Variants in PPP2R5B observed in about 807,000 individuals in gnomAD.
PPP2R5B encodes the protein protein phosphatase 2 regulatory subunit B'beta, also known as serine/threonine-protein phosphatase 2A 56 kDa regulatory subunit beta isoform.
PPP2R5B carries 19 observed loss-of-function variants against 59.9 expected under a neutral mutation model. The ratio of observed to expected loss-of-function variants is 0.32; its 90% CI spans 0.22 to 0.47. The LOEUF is 0.47. Among genes scored for constraint, PPP2R5B ranks in the 20% least tolerant of loss-of-function variants. The pLI, the probability that PPP2R5B is intolerant of heterozygous loss-of-function variation, is 1.00. For missense variants in PPP2R5B, 441 were observed against 640.2 expected (o/e 0.69, Z 3.36); for synonymous variants, 286 against 260.5 (o/e 1.10, Z -0.94).
intron 2 of PPP2R5B, 111 bp downstream of exon 2, chr11:64,926,044 C>T: frequency 8.8e-7 from 1 of 1,132,762 alleles, no homozygotes; most frequent in Non-Finnish European, 1.2e-6. Context: ...TTTGGATACC[C>T]CTCCAGGCTA....
At chr11:64,927,618 G>A (rs1433303791) in intron 3 of PPP2R5B, 184 bp from the exon 4 acceptor site, 18 of 584,778 alleles carry the variant, frequency 3.1e-5, no homozygotes, top group Non-Finnish European at 4.2e-5. Flanking sequence ...TGGGAGGATC[G>A]CTTGAGCCTG....
chr11:64,932,490 T>C (rs186631960), intron 11 of PPP2R5B, among the ~76,000 whole-genome samples: 1 of 152,308 alleles, frequency 6.6e-6, no homozygotes, highest in Non-Finnish European at 1.5e-5. Flanking sequence ...ATTTTACAGA[T>C]GAGAAAACTG....
At chr11:64,919,007 GC>G (rs1282184007) in intron 1 of PPP2R5B, among the ~76,000 whole-genome samples, 1 of 152,158 alleles carries the variant, frequency 6.6e-6, no homozygotes, top group Non-Finnish European at 1.5e-5. Context: ...GAAGGAGCAG[GC>G]TCCATTCAGG....
In PPP2R5B at chr11:64,925,833, C is replaced by T; in HGVS notation, c.99C>T (p.Arg33=). ...PPPDKVDGFS[R]RSLRRARPRR... is the part of the protein sequence containing the mutation. ...CCGACAAGGTGGACGGCTTCTCCCG[C>T]CGTTCCCTCCGCAGAGCCCGGCCCC... Residue 33 remains arginine (R), a synonymous_variant, in exon 2 of 14, where the codon CGC becomes CGT. Coordinates refer to ENST00000164133, the MANE Select transcript of PPP2R5B (RefSeq NM_006244.4). The surrounding 1 kb of genome is among the most constrained non-coding windows in gnomAD (Gnocchi z 4.6). The T allele has an allele frequency of 6.2e-7, 1 of 1,610,184 alleles. No homozygotes were observed.
chr11:64,925,627 A>G lies in PPP2R5B; in HGVS notation c.-108A>G, dbSNP rs1945153467. ...GACTGTGGTTGTGCCCCCCCCCCAA[A>G]GGCCGGACAGGATGGGACCAAGTTA... On this transcript the variant is annotated 5_prime_UTR_variant, in exon 2 of 14. Coordinates refer to ENST00000164133, the MANE Select transcript of PPP2R5B (RefSeq NM_006244.4). The surrounding 1 kb of genome is among the most constrained non-coding windows in gnomAD (Gnocchi z 4.6). 1.4e-5 allele frequency: 5 copies of G among 367,152 alleles called. No individual in the cohort carries two copies. Among genetic ancestry groups the G allele is most frequent in the East Asian group, 9.2e-5 (1 of 10,838 alleles). 22.7% of individuals were successfully genotyped at this position (367,152 alleles called of 1,614,324 possible). A position where few individuals can be genotyped will look rare whatever the true frequency, so the allele number is the denominator to read the frequency against.
In PPP2R5B at chr11:64,933,211, T is replaced by C; in HGVS notation, c.1311T>C (p.Asp437=). ...TGGAGATGAATGGGAAGCTGTTTGATGAGCTCACAGCCTCCTACAAGCTGG... is the reference window on the plus strand; with the variant it reads ...TGGAGATGAATGGGAAGCTGTTTGACGAGCTCACAGCCTCCTACAAGCTGG... The part of the protein sequence containing the change: ...TFMEMNGKLF[D]ELTASYKLEK... Residue 437 remains aspartate (D), a synonymous_variant, in exon 13 of 14, where the codon GAT becomes GAC. Coordinates refer to ENST00000164133, the MANE Select transcript of PPP2R5B (RefSeq NM_006244.4). 6.2e-7 allele frequency: 1 copy of C among 1,612,952 alleles called. No homozygotes were observed. The highest frequency in any genetic ancestry group is 8.5e-7 in the Non-Finnish European group (1 of 1,179,112).
In PPP2R5B at chr11:64,928,177, G is replaced by T; in HGVS notation, c.591+19G>T. The T allele has an allele frequency of 6.2e-7, 1 of 1,614,068 alleles. No individual in the cohort carries two copies. Among genetic ancestry groups the T allele is most frequent in the Admixed American group, 1.7e-5 (1 of 60,030 alleles). On this transcript the variant is annotated intron_variant, in intron 5 of 13. Coordinates refer to ENST00000164133, the MANE Select transcript of PPP2R5B (RefSeq NM_006244.4). ...CCTGATGGTGAAGTGGGGAGCCCAGGCTGGGTGGTACCACAAGGCAGGGGC... is the reference window on the plus strand; with the variant it reads ...CCTGATGGTGAAGTGGGGAGCCCAGTCTGGGTGGTACCACAAGGCAGGGGC...
Position 64,925,621 on chromosome 11 carries a change from C to T in PPP2R5B, c.-114C>T, listed in dbSNP as rs1020108844. 5 of 549,212 alleles carry T rather than the reference C, an allele frequency of 9.1e-6. No individual in the cohort carries two copies. Among genetic ancestry groups the T allele is most frequent in the Non-Finnish European group, 1.6e-5 (5 of 309,180 alleles). 34.0% of individuals were successfully genotyped at this position (549,212 alleles called of 1,614,324 possible). On this transcript the variant is annotated 5_prime_UTR_variant, in exon 2 of 14. Transcript: ENST00000164133. The surrounding 1 kb of genome is among the most constrained non-coding windows in gnomAD (Gnocchi z 4.6). ...GCCCAGGACTGTGGTTGTGCCCCCC[C>T]CCCAAAGGCCGGACAGGATGGGACC...
chr11:64,927,780 G>T, intron 3 of PPP2R5B, 22 bp from the exon 4 acceptor site: 3 of 1,522,262 alleles, frequency 2.0e-6, no homozygotes, highest in Non-Finnish European at 1.8e-6. Context: ...TTTCCTTAAT[G>T]AACCCCAACT....
intron 2 of PPP2R5B, 49 bp from the exon 3 acceptor site, chr11:64,926,663 G>A: frequency 1.9e-6 from 3 of 1,596,286 alleles, no homozygotes; most frequent in Non-Finnish European, 2.6e-6. Flanking sequence ...CACAGCTGGG[G>A]CAGCTGGGGG....
chr11:64,926,732 C>A lies in PPP2R5B; in HGVS notation c.220C>A (p.His74Asn), dbSNP rs767940124. ...CCCAGATGTGCCGGCTTCCGAGCTG[C>A]ACGAGCTGCTGAGCCGGAAGCTGGC... ...LLKDVPASEL[H>N]ELLSRKLAQC... is the part of the protein sequence containing the mutation. Residue 74 changes from histidine (H) to asparagine (N), a missense_variant, in exon 3 of 14, where the codon CAC (histidine) becomes AAC (asparagine). This residue lies in a region of PPP2R5B where 268 missense variants were observed against 488.1 expected (regional missense o/e 0.55). Coordinates refer to ENST00000164133, the MANE Select transcript of PPP2R5B (RefSeq NM_006244.4). The A allele has an allele frequency of 1.2e-6, 2 of 1,614,132 alleles. No individual in the cohort carries two copies. The highest frequency in any genetic ancestry group is 2.2e-5 in the South Asian group (2 of 91,084).
At chr11:64,930,643 C>G (rs1234326711) in intron 8 of PPP2R5B, 54 bp downstream of exon 8, 1 of 1,471,628 alleles carries the variant, frequency 6.8e-7, no homozygotes, top group Admixed American at 1.7e-5. Flanking sequence ...GTCAGGGCAG[C>G]CAGTGGGTCC....
intron 3 of PPP2R5B, 27 bp from the exon 4 acceptor site, chr11:64,927,775 T>G: frequency 6.5e-7 from 1 of 1,529,648 alleles, no homozygotes; most frequent in Non-Finnish European, 9.1e-7. Flanking sequence ...GGGCTTTTCC[T>G]TAATGAACCC....
chr11:64,933,295 G>T, intron 13 of PPP2R5B, 49 bp downstream of exon 13: 1 of 1,503,762 alleles, frequency 6.6e-7, no homozygotes, highest in Non-Finnish European at 9.2e-7. Context: ...GCAGGGAGGA[G>T]TCAGACCCCC....
At chr11:64,924,663 G>A (rs1472817256), upstream of PPP2R5B, 1 of 152,286 alleles carries the variant, frequency 6.6e-6, no homozygotes, top group Admixed American at 6.5e-5. Context: ...GCGGGGAGGT[G>A]CGGGCCGGGT....
At chr11:64,928,688 T>C (rs1025597037) in intron 6 of PPP2R5B, among the ~76,000 whole-genome samples, 1 of 152,080 alleles carries the variant, frequency 6.6e-6, no homozygotes, top group African/African-American at 2.4e-5. Context: ...GAGACAAGAA[T>C]TACTTGAACC....
At chr11:64,929,004 G>A (rs1945201212) in intron 6 of PPP2R5B, among the ~76,000 whole-genome samples, 1 of 152,110 alleles carries the variant, frequency 6.6e-6, no homozygotes, top group East Asian at 1.9e-4. Flanking sequence ...AAAGAAGACT[G>A]CAGCAAAGGC....
Position 64,925,779 on chromosome 11 carries a change from C to A in PPP2R5B, c.45C>A (p.Ser15=). ...LPPASTPTSP[S]SPGLSPVPPP... The stretch of plus-strand genomic sequence containing the variant: ...CTGCAAGCACCCCCACTAGCCCCTC[C>A]TCCCCCGGGCTGTCGCCTGTGCCCC... Residue 15 remains serine (S), a synonymous_variant, in exon 2 of 14, where the codon TCC becomes TCA. Coordinates refer to ENST00000164133, the MANE Select transcript of PPP2R5B (RefSeq NM_006244.4). The surrounding 1 kb of genome is among the most constrained non-coding windows in gnomAD (Gnocchi z 4.6). 6.3e-7 allele frequency: 1 copy of A among 1,588,496 alleles called. No homozygotes were observed. Among genetic ancestry groups the A allele is most frequent in the Non-Finnish European group, 8.6e-7 (1 of 1,164,114 alleles).
Position 64,925,589 on chromosome 11 carries a change from G to T in PPP2R5B, c.-146G>T. ...GACTGGGCAGTTGCAGGAGGCCCTG[G>T]GGGGGGGCCCAGGACTGTGGTTGTG... On this transcript the variant is annotated 5_prime_UTR_variant, in exon 2 of 14. Transcript: ENST00000164133. The surrounding 1 kb of genome is among the most constrained non-coding windows in gnomAD (Gnocchi z 4.6). 1 of 569,976 alleles carries T rather than the reference G, an allele frequency of 1.8e-6. No homozygotes were observed. The allele number at this position is 569,976 out of a possible 1,614,324, so 35.3% of individuals were successfully genotyped here. A position where few individuals can be genotyped will look rare whatever the true frequency, so the allele number is the denominator to read the frequency against.
Sources: allele counts gnomAD v4.1 joint callset (sites outside exome capture counted in the v4.1 genomes callset), GRCh38; gene constraint gnomAD v4.1.1; regional missense constraint gnomAD v4.1.1; non-coding constraint Gnocchi (gnomAD v3.1); transcripts MANE v1.5; gene names NCBI Gene and HGNC (gene_info 2026-07-23, HGNC 2026-07-21).